The following SPOCK3 variants were observed in gnomAD, a reference collection of about 807,000 sequenced individuals.
The protein encoded by SPOCK3 is testican-3.
In SPOCK3, 30 loss-of-function variants were observed where a neutral mutation model predicts 56.6. That is an observed-to-expected ratio of 0.53 (90% CI 0.40 to 0.72). The LOEUF (loss-of-function observed/expected upper bound fraction) is 0.72, where lower values mean the gene tolerates loss of function less well. Among genes scored for constraint, SPOCK3 ranks in the 30% least tolerant of loss-of-function variants. The pLI is 0.00. For synonymous variants in SPOCK3, 196 were observed against 183.3 expected (o/e 1.07, Z -0.56); for missense variants, 527 against 530.0 (o/e 0.99, Z 0.06).
chr4:167,230,963 C>T (rs1737116297), intron 2 of SPOCK3, among the ~76,000 whole-genome samples: 1 of 152,094 alleles, frequency 6.6e-6, no homozygotes, highest in Admixed American at 6.5e-5. Context: ...TACCTATTCA[C>T]TGTAAGCTTG....
At chr4:167,221,034 G>T (rs544641291) in intron 2 of SPOCK3, among the ~76,000 whole-genome samples, 35 of 152,126 alleles carry the variant, frequency 2.3e-4, no homozygotes, top group African/African-American at 7.5e-4. Context: ...CAGTCAATGT[G>T]ACCGTTTAAA....
In SPOCK3 at chr4:167,041,782, G is replaced by A. The variant is rs1052653828; in HGVS notation, c.235+20710C>T. On this transcript the variant is annotated intron_variant, in intron 3 of 10. Coordinates refer to ENST00000357545, the MANE Select transcript of SPOCK3 (RefSeq NM_001040159.2). ...TGCTGCCACCACAAAGAAATGGTAAGTGCTTAAAGTGATGGACATGGTATT... is the reference window on the plus strand; with the variant it reads ...TGCTGCCACCACAAAGAAATGGTAAATGCTTAAAGTGATGGACATGGTATT... 8.5e-5 allele frequency among the ~76,000 whole-genome samples: 13 copies of A among 152,200 alleles called. No homozygotes were observed. In the East Asian group the frequency reaches 2.1e-3, roughly 25 times the overall value.
chr4:166,836,005 C>A (rs1746574961), intron 6 of SPOCK3, among the ~76,000 whole-genome samples: 1 of 152,080 alleles, frequency 6.6e-6, no homozygotes, highest in Admixed American at 6.5e-5. Flanking sequence ...AAACTCTTGT[C>A]TCACACACAC....
intron 7 of SPOCK3, among the ~76,000 whole-genome samples, chr4:166,779,278 T>C (rs1004888497): frequency 2.0e-5 from 3 of 151,998 alleles, no homozygotes; most frequent in African/African-American, 7.3e-5. Flanking sequence ...AATATGGAAC[T>C]CATTCTCAAA....
intron 5 of SPOCK3, among the ~76,000 whole-genome samples, chr4:166,895,473 C>G (rs1054994203): frequency 6.6e-6 from 1 of 151,296 alleles, no homozygotes; most frequent in Non-Finnish European, 1.5e-5. Context: ...CGGAAAGATT[C>G]AGGGCAGAAG....
intron 2 of SPOCK3, among the ~76,000 whole-genome samples, chr4:167,073,903 T>C (rs1233774800): frequency 6.6e-6 from 1 of 151,902 alleles, no homozygotes; most frequent in Non-Finnish European, 1.5e-5. Flanking sequence ...CTCTTTAAAA[T>C]TATATAAACA....
Position 167,227,049 on chromosome 4 carries a change from G to A in SPOCK3, c.189+6936C>T, listed in dbSNP as rs150405195. ...GAAGTTCAGTAGTTGAAGAAGAAAG[G>A]GAAGATGCTAGTGCTTGATATTACC... On this transcript the variant is annotated intron_variant, in intron 2 of 10. Transcript: ENST00000357545. 4.2e-3 allele frequency among the ~76,000 whole-genome samples: 646 copies of A among 152,210 alleles called. 5 individuals are homozygous for A. The highest frequency in any genetic ancestry group is 6.7e-3 in the Non-Finnish European group (457 of 67,982).
Position 166,735,023 on chromosome 4 carries a change from A to T in SPOCK3, c.1200T>A (p.Asp400Glu), listed in dbSNP as rs370716942. The change falls in exon 11 of 11, where the codon GAT (aspartate) becomes GAA (glutamate). Residue 400 changes from aspartate (D) to glutamate (E), a missense_variant. Transcript: ENST00000357545. ...GDFHEWTDDE[D>E]DEDDIMNDED... The stretch of plus-strand genomic sequence containing the variant: ...CATCATTCATAATATCGTCTTCATC[A>T]TCCTCATCATCAGTCCATTCATGAA... 1 of 1,575,422 alleles carries T rather than the reference A, an allele frequency of 6.3e-7. No homozygotes were observed. Among genetic ancestry groups the T allele is most frequent in the African/African-American group, 1.3e-5 (1 of 74,194 alleles).
chr4:167,172,616 A>C (rs1408202201), intron 2 of SPOCK3, among the ~76,000 whole-genome samples: 1 of 152,174 alleles, frequency 6.6e-6, no homozygotes, highest in Admixed American at 6.6e-5. Flanking sequence ...CAAATGAGTT[A>C]AATCAGTTAG....
chr4:167,066,301 T>C (rs1756126003), intron 2 of SPOCK3, among the ~76,000 whole-genome samples: 1 of 151,814 alleles, frequency 6.6e-6, no homozygotes, highest in Admixed American at 6.6e-5. Flanking sequence ...ATTGTGTGCA[T>C]TGCTCGCTAT....
At chr4:166,982,289 G>A (rs1197557805) in intron 4 of SPOCK3, among the ~76,000 whole-genome samples, 2 of 152,252 alleles carry the variant, frequency 1.3e-5, no homozygotes, top group Non-Finnish European at 2.9e-5. Flanking sequence ...AGAGTTTACT[G>A]ATAATGCAAA....
intron 2 of SPOCK3, among the ~76,000 whole-genome samples, chr4:167,099,389 A>G (rs922464991): frequency 1.2e-4 from 18 of 151,990 alleles, no homozygotes; most frequent in African/African-American, 4.1e-4. Flanking sequence ...ACACAAGGAA[A>G]AATATAATGA....
At chr4:166,741,721 T>C (rs540728098) in intron 9 of SPOCK3, among the ~76,000 whole-genome samples, 5 of 152,336 alleles carry the variant, frequency 3.3e-5, no homozygotes, top group Admixed American at 3.3e-4. Context: ...AACTGAATTT[T>C]CTGCTGATGT....
At chr4:166,779,953 A>G (rs1739978913) in intron 7 of SPOCK3, among the ~76,000 whole-genome samples, 1 of 152,228 alleles carries the variant, frequency 6.6e-6, no homozygotes, top group South Asian at 2.1e-4. Flanking sequence ...TAACATCATT[A>G]AGTGAAGAAA....
chr4:167,116,909 G>GTATATATATATATATA (rs1446671235), intron 2 of SPOCK3, among the ~76,000 whole-genome samples: 3,102 of 122,512 alleles, frequency 0.025, 83 homozygotes, highest in East Asian at 0.039. Flanking sequence ...TTGTGTGTGT[G>GTATATATATATATATA]TGTGTATATA....
intron 4 of SPOCK3, among the ~76,000 whole-genome samples, chr4:166,957,456 T>C (rs1351461095): frequency 1.3e-5 from 2 of 152,200 alleles, no homozygotes; most frequent in African/African-American, 4.8e-5. Flanking sequence ...ATTCCCTAAA[T>C]GGGTCTCTCC....
intron 2 of SPOCK3, among the ~76,000 whole-genome samples, chr4:167,092,570 A>G (rs546994821): frequency 6.6e-6 from 1 of 152,332 alleles, no homozygotes; most frequent in East Asian, 1.9e-4. Flanking sequence ...AGAAATTGAG[A>G]ACAATGATAA....
intron 9 of SPOCK3, among the ~76,000 whole-genome samples, chr4:166,741,576 CCAA>C (rs1215227378): frequency 6.6e-6 from 1 of 151,934 alleles, no homozygotes; most frequent in Non-Finnish European, 1.5e-5. Context: ...ATGAAAAATA[CCAA>C]CAAGTCTATT....
chr4:166,738,846 C>T (rs1000224924), intron 9 of SPOCK3, among the ~76,000 whole-genome samples: 4 of 151,880 alleles, frequency 2.6e-5, no homozygotes, highest in Admixed American at 2.0e-4. Context: ...ATATGTGCCA[C>T]ATTTTCTTAA....
Sources: gnomAD v4.1 joint callset for allele counts (sites outside exome capture counted in the v4.1 genomes callset) on GRCh38, gnomAD v4.1.1 for gene constraint, MANE v1.5 for transcripts, NCBI Gene and HGNC (gene_info 2026-07-23, HGNC 2026-07-21) for gene names.